Variants in FGGY observed in about 807,000 individuals in gnomAD.
The protein encoded by FGGY is FGGY carbohydrate kinase domain containing, also known as FGGY carbohydrate kinase domain-containing protein.
A neutral mutation model predicts 71.3 loss-of-function variants in FGGY; 72 were observed. That is an observed-to-expected ratio of 1.01 (90% confidence interval 0.84 to 1.23). The LOEUF (loss-of-function observed/expected upper bound fraction) is 1.23, where lower values mean the gene tolerates loss of function less well. FGGY is among the 50% of genes most tolerant of loss of function. FGGY has a pLI of 0.00. For missense variants in FGGY, 668 were observed against 682.3 expected, an observed-to-expected ratio of 0.98 and a Z score of 0.23; for synonymous variants, 251 against 250.3, an observed-to-expected ratio of 1.00 and a Z score of -0.02.
chr1:59,469,286 C>G (rs141611901), intron 6 of FGGY, among the ~76,000 whole-genome samples: 21 of 152,302 alleles, frequency 1.4e-4, no homozygotes, highest in African/African-American at 4.8e-4. Context: ...TAATTCAGCT[C>G]ATGGTTCTGG....
intron 6 of FGGY, among the ~76,000 whole-genome samples, chr1:59,475,386 A>C (rs896583219): frequency 1.3e-5 from 2 of 152,210 alleles, no homozygotes; most frequent in African/African-American, 4.8e-5. Flanking sequence ...AAAATACAGG[A>C]TATGTTGGTT....
At chr1:59,499,260 A>C (rs1200197716) in intron 6 of FGGY, among the ~76,000 whole-genome samples, 1 of 149,592 alleles carries the variant, frequency 6.7e-6, no homozygotes, top group Non-Finnish European at 1.5e-5. Flanking sequence ...TGGATGCCTA[A>C]AAACATGGGT....
chr1:59,422,844 A>G (rs144157083), intron 5 of FGGY, among the ~76,000 whole-genome samples: 1 of 152,350 alleles, frequency 6.6e-6, no homozygotes, highest in Non-Finnish European at 1.5e-5. Context: ...AAGGCCTACT[A>G]TTATAGTAAA....
At chr1:59,624,751 G>A (rs535774965) in intron 9 of FGGY, among the ~76,000 whole-genome samples, 6 of 152,218 alleles carry the variant, frequency 3.9e-5, no homozygotes, top group Non-Finnish European at 7.4e-5. Context: ...TCACTACTAC[G>A]AAACAGTATG....
intron 14 of FGGY, among the ~76,000 whole-genome samples, chr1:59,697,494 C>T (rs1432727019): frequency 6.6e-6 from 1 of 152,172 alleles, no homozygotes; most frequent in African/African-American, 2.4e-5. Flanking sequence ...ATAATGTTCT[C>T]AAGGTTTATC....
At chr1:59,382,803 C>T (rs1225877032) in intron 5 of FGGY, among the ~76,000 whole-genome samples, 3 of 152,140 alleles carry the variant, frequency 2.0e-5, no homozygotes, top group African/African-American at 4.8e-5. Context: ...TGGAGGAGAA[C>T]GTGGCTTTCC....
At chr1:59,648,807 G>C (rs906254301) in intron 11 of FGGY, among the ~76,000 whole-genome samples, 3 of 152,108 alleles carry the variant, frequency 2.0e-5, no homozygotes, top group Non-Finnish European at 2.9e-5. Flanking sequence ...TTGTGTTTTA[G>C]ACATGAAGTC....
chr1:59,579,815 A>G (rs1326821402), intron 8 of FGGY, among the ~76,000 whole-genome samples: 1 of 152,176 alleles, frequency 6.6e-6, no homozygotes, highest in Non-Finnish European at 1.5e-5. Context: ...TCCTCTGCTC[A>G]AAACCTTTCA....
intron 6 of FGGY, among the ~76,000 whole-genome samples, chr1:59,508,859 AT>A (rs773227082): frequency 1.1e-4 from 17 of 152,282 alleles, no homozygotes; most frequent in Non-Finnish European, 1.6e-4. Context: ...GCTGAGACAG[AT>A]TTGGGGGGAT....
chr1:59,324,317 C>T (rs895098666), intron 2 of FGGY, among the ~76,000 whole-genome samples: 10 of 135,476 alleles, frequency 7.4e-5, no homozygotes, highest in Admixed American at 7.0e-4. Context: ...CGCTCTGTCG[C>T]CCAGGCTGGA....
intron 14 of FGGY, among the ~76,000 whole-genome samples, chr1:59,713,409 A>G (rs2097815376): frequency 6.6e-6 from 1 of 152,102 alleles, no homozygotes. Flanking sequence ...CTCTACTGGC[A>G]CCAATTTAAT....
chr1:59,720,715 C>T (rs976106201), intron 14 of FGGY, among the ~76,000 whole-genome samples: 1 of 152,064 alleles, frequency 6.6e-6, no homozygotes, highest in Non-Finnish European at 1.5e-5. Flanking sequence ...AATACTTGTG[C>T]CTGCCTGGGG....
chr1:59,659,465 G>T (rs1309326100), intron 11 of FGGY, among the ~76,000 whole-genome samples: 1 of 152,156 alleles, frequency 6.6e-6, no homozygotes, highest in African/African-American at 2.4e-5. Context: ...TTTATAATGT[G>T]ATAATCTAAA....
chr1:59,579,934 C>T (rs1226361324), intron 8 of FGGY, among the ~76,000 whole-genome samples: 4 of 152,164 alleles, frequency 2.6e-5, no homozygotes, highest in Admixed American at 2.0e-4. Flanking sequence ...CTGTTCACAC[C>T]ACTGCAGCTG....
intron 5 of FGGY, among the ~76,000 whole-genome samples, chr1:59,442,144 G>T (rs758044494): frequency 7.2e-5 from 11 of 152,132 alleles, no homozygotes; most frequent in Non-Finnish European, 5.9e-5. Flanking sequence ...GGACTCTGCA[G>T]CTAATTGTTT....
intron 8 of FGGY, among the ~76,000 whole-genome samples, chr1:59,601,861 A>G (rs2096581495): frequency 6.6e-6 from 1 of 152,256 alleles, no homozygotes; most frequent in Non-Finnish European, 1.5e-5. Context: ...GCCATTAAAT[A>G]CAACTCATGA....
At chr1:59,474,745 T>G (rs1372268108) in intron 6 of FGGY, among the ~76,000 whole-genome samples, 2 of 152,194 alleles carry the variant, frequency 1.3e-5, no homozygotes, top group Admixed American at 1.3e-4. Flanking sequence ...GTGACTGATG[T>G]AGATAAACGA....
intron 11 of FGGY, among the ~76,000 whole-genome samples, chr1:59,640,608 T>G (rs1475939115): frequency 2.1e-5 from 3 of 142,208 alleles, no homozygotes; most frequent in Non-Finnish European, 4.5e-5. Flanking sequence ...CCTAAAACGT[T>G]TCCCTGGACA....
intron 7 of FGGY, among the ~76,000 whole-genome samples, chr1:59,547,206 C>A (rs561107199): frequency 6.6e-6 from 1 of 152,186 alleles, no homozygotes; most frequent in South Asian, 2.1e-4. Flanking sequence ...CTGCCTCGGC[C>A]TCCCAAAGTG....
Sources: allele counts gnomAD v4.1 joint callset (sites outside exome capture counted in the v4.1 genomes callset), GRCh38; gene constraint gnomAD v4.1.1; transcripts MANE v1.5; gene names NCBI Gene and HGNC (gene_info 2026-07-23, HGNC 2026-07-21).